AGBL1: variants seen among roughly 807,000 people sequenced by gnomAD.
AGBL1 encodes the protein cytosolic carboxypeptidase 4.
A neutral mutation model predicts 118.9 loss-of-function variants in AGBL1; 130 were observed. That is an observed-to-expected ratio of 1.09 (90% CI 0.95 to 1.26). The LOEUF (loss-of-function observed/expected upper bound fraction) is 1.26. Ranked by LOEUF, AGBL1 falls within the 50% of genes most tolerant of loss-of-function variation. AGBL1 has a pLI of 0.00. For missense variants in AGBL1, 1,584 were observed against 1,298.1 expected, an observed-to-expected ratio of 1.22 and a Z score of -3.38; for synonymous variants, 555 against 478.9, an observed-to-expected ratio of 1.16 and a Z score of -2.08.
At chr15:86,680,286 C>A (rs368345429) in intron 22 of AGBL1, among the ~76,000 whole-genome samples, 2 of 152,060 alleles carry the variant, frequency 1.3e-5, no homozygotes, top group Non-Finnish European at 2.9e-5. Flanking sequence ...ATTCATCTTA[C>A]ATTTTTCAGA....
intron 17 of AGBL1, among the ~76,000 whole-genome samples, chr15:86,318,413 C>A (rs1469820174): frequency 6.6e-6 from 1 of 151,748 alleles, no homozygotes; most frequent in Non-Finnish European, 1.5e-5. Context: ...ATAAAAAAAA[C>A]TTAATTTTGC....
chr15:86,405,693 T>G (rs936188942), intron 18 of AGBL1, among the ~76,000 whole-genome samples: 4 of 152,090 alleles, frequency 2.6e-5, no homozygotes, highest in Admixed American at 2.0e-4. Flanking sequence ...TAAAATAGAT[T>G]TGTTTTCTAA....
At chr15:86,770,502 A>T (rs981216417) in intron 22 of AGBL1, among the ~76,000 whole-genome samples, 2 of 152,004 alleles carry the variant, frequency 1.3e-5, no homozygotes, top group African/African-American at 4.8e-5. Context: ...CAGTAGTGCT[A>T]AGATTTAGAA....
chr15:86,744,380 G>A (rs548144559), intron 22 of AGBL1, among the ~76,000 whole-genome samples: 24 of 152,134 alleles, frequency 1.6e-4, no homozygotes, highest in Middle Eastern at 3.4e-3. Context: ...AGCTCCTGCC[G>A]TGCCAACAGA....
At position 86,276,398 on chromosome 15, in the gene AGBL1, C is replaced by G. The variant is rs149794970; in HGVS notation, c.2076-3241C>G. On this transcript the variant is annotated intron_variant, in intron 15 of 22. Coordinates refer to ENST00000614907, the MANE Select transcript of AGBL1 (RefSeq NM_001386094.1). ...GCTCTAGACACTTAACCTCTGTGAG[C>G]CTTAATTCCCATGTGTAGAATGTGT... Among the ~76,000 whole-genome samples, 634 of 152,274 alleles carry G rather than the reference C, an allele frequency of 4.2e-3. 5 individuals are homozygous for G. The highest frequency in any genetic ancestry group is 0.014 in the African/African-American group (591 of 41,552).
intron 18 of AGBL1, among the ~76,000 whole-genome samples, chr15:86,484,321 A>G (rs1340765369): frequency 6.6e-6 from 1 of 152,116 alleles, no homozygotes; most frequent in Non-Finnish European, 1.5e-5. Context: ...AGGTGGAAAG[A>G]ACTGCACAGA....
At chr15:86,250,106 T>C (rs2078786743) in intron 7 of AGBL1, among the ~76,000 whole-genome samples, 2 of 152,176 alleles carry the variant, frequency 1.3e-5, no homozygotes, top group Admixed American at 1.3e-4. Context: ...GCCTATGGGA[T>C]AGTGCTGAGT....
At chr15:86,194,279 C>T (rs1378899663) in intron 5 of AGBL1, among the ~76,000 whole-genome samples, 2 of 152,184 alleles carry the variant, frequency 1.3e-5, no homozygotes, top group African/African-American at 4.8e-5. Context: ...TCATCTTCCT[C>T]AGTGTTTTGC....
intron 24 of AGBL1, among the ~76,000 whole-genome samples, chr15:87,016,262 G>GCT (rs2081607211): frequency 3.3e-5 from 1 of 30,562 alleles, no homozygotes; most frequent in Non-Finnish European, 9.1e-5. Flanking sequence ...TGTCCCAGGT[G>GCT]ATTTATGTTC....
At chr15:86,366,812 A>C (rs1596022521) in intron 17 of AGBL1, among the ~76,000 whole-genome samples, 2 of 152,188 alleles carry the variant, frequency 1.3e-5, no homozygotes, top group African/African-American at 2.4e-5. Flanking sequence ...CTTGGGGGGA[A>C]AAAGGTTCCT....
intron 18 of AGBL1, among the ~76,000 whole-genome samples, chr15:86,483,157 T>A (rs1219495317): frequency 6.6e-6 from 1 of 152,096 alleles, no homozygotes; most frequent in African/African-American, 2.4e-5. Context: ...GTTCAAAATA[T>A]GGCGGCATTG....
intron 17 of AGBL1, among the ~76,000 whole-genome samples, chr15:86,305,642 AT>A (rs1168439658): frequency 1.3e-5 from 2 of 152,182 alleles, no homozygotes; most frequent in East Asian, 3.8e-4. Flanking sequence ...ATAACTCCAT[AT>A]TCCTCCTATT....
chr15:86,813,112 G>A (rs1004827448), intron 22 of AGBL1, among the ~76,000 whole-genome samples: 2 of 152,092 alleles, frequency 1.3e-5, no homozygotes, highest in African/African-American at 4.8e-5. Context: ...CTGGGAAGAT[G>A]AGGGAGTGCG....
At chr15:86,694,662 T>C (rs2086225463) in intron 22 of AGBL1, among the ~76,000 whole-genome samples, 1 of 152,104 alleles carries the variant, frequency 6.6e-6, no homozygotes, top group South Asian at 2.1e-4. Context: ...GTGGTAATTC[T>C]TGTCTTTTCC....
chr15:86,626,870 C>T lies in AGBL1; in HGVS notation c.2995-47403C>T, dbSNP rs1199486814. Reference sequence around the variant, plus strand: ...TTTTTTTTTTTGAGACAAAGTCTTACTCTGTCCCCCAGGTTGGAGTGCAGT... The same window carrying T: ...TTTTTTTTTTTGAGACAAAGTCTTATTCTGTCCCCCAGGTTGGAGTGCAGT... On this transcript the variant is annotated intron_variant, in intron 21 of 22. Transcript: ENST00000614907. Among the ~76,000 whole-genome samples the T allele has an allele frequency of 2.9e-5, 4 of 136,506 alleles. No individual in the cohort carries two copies. In the South Asian group the frequency reaches 7.4e-4, roughly 25 times the overall value. 89.6% of individuals were successfully genotyped at this position (136,506 alleles called of 152,430 possible).
At chr15:86,926,546 A>G (rs756746585) in intron 23 of AGBL1, among the ~76,000 whole-genome samples, 2 of 152,220 alleles carry the variant, frequency 1.3e-5, no homozygotes, top group African/African-American at 4.8e-5. Context: ...AAGCAAGTCA[A>G]TTTATAGGGA....
intron 18 of AGBL1, among the ~76,000 whole-genome samples, chr15:86,423,616 A>T (rs564291397): frequency 6.6e-6 from 1 of 152,220 alleles, no homozygotes. Flanking sequence ...TGCAGATGAC[A>T]TGATTGTATA....
intron 21 of AGBL1, among the ~76,000 whole-genome samples, chr15:86,567,395 T>C (rs1386897057): frequency 6.6e-6 from 1 of 152,202 alleles, no homozygotes; most frequent in Non-Finnish European, 1.5e-5. Flanking sequence ...CTGTGCTGCC[T>C]AATCTATGTT....
chr15:86,805,949 A>G (rs182504946), intron 22 of AGBL1, among the ~76,000 whole-genome samples: 1 of 152,302 alleles, frequency 6.6e-6, no homozygotes, highest in Admixed American at 6.5e-5. Context: ...CACAAACTCC[A>G]GAAAATACTA....
Sources: allele counts gnomAD v4.1 joint callset (sites outside exome capture counted in the v4.1 genomes callset), GRCh38; gene constraint gnomAD v4.1.1; transcripts MANE v1.5; gene names NCBI Gene and HGNC (gene_info 2026-07-23, HGNC 2026-07-21).